LBR: variants seen among roughly 807,000 people sequenced by gnomAD.
LBR encodes lamin B receptor.
Under a neutral mutation model 74.3 loss-of-function variants are expected in LBR, and 28 were observed. That is an observed-to-expected ratio of 0.38 (90% CI 0.28 to 0.52). The LOEUF is 0.52. Ranked by LOEUF, LBR falls within the 20% of genes least tolerant of loss-of-function variation. The probability of loss-of-function intolerance (pLI) is 0.89; values close to 1 mark genes in which losing one functional copy is unlikely to be tolerated. For missense variants in LBR, 717 were observed against 760.3 expected, an observed-to-expected ratio of 0.94 and a Z score of 0.67; for synonymous variants, 228 against 269.3, an observed-to-expected ratio of 0.85 and a Z score of 1.50.
intron 8 of LBR, among the ~76,000 whole-genome samples, chr1:225,412,215 C>A (rs550110730): frequency 1.3e-5 from 2 of 152,306 alleles, no homozygotes; most frequent in South Asian, 4.1e-4. Flanking sequence ...AAACGTCTTA[C>A]TGTCATCAAG....
intron 1 of LBR, among the ~76,000 whole-genome samples, chr1:225,424,641 T>C (rs2096135718): frequency 6.6e-6 from 1 of 152,164 alleles, no homozygotes; most frequent in African/African-American, 2.4e-5. Flanking sequence ...AAAGTACAAA[T>C]GCATACCAAG....
rs2096097982 is a variant in LBR, at chr1:225,408,785, T to C, written c.1314+1506A>G. ...GGCTATGTTAATATTGCATTAAGCG[T>C]TTTGCCTTAAGATGCAAAAAATTTT... On this transcript the variant is annotated intron_variant, in intron 10 of 13. Transcript: ENST00000272163. Among the ~76,000 whole-genome samples the C allele has an allele frequency of 1.3e-5, 2 of 152,250 alleles. 1 individual carries two copies. Among genetic ancestry groups the C allele is most frequent in the South Asian group, 4.1e-4 (2 of 4,836 alleles).
chr1:225,409,077 T>C (rs896794524), intron 10 of LBR, among the ~76,000 whole-genome samples: 6 of 152,246 alleles, frequency 3.9e-5, no homozygotes, highest in Non-Finnish European at 8.8e-5. Flanking sequence ...GCTACACTGG[T>C]AACAGTAAGT....
At position 225,419,748 on chromosome 1, in the gene LBR, A is replaced by G; in HGVS notation, c.417T>C (p.Ile139=). 1.2e-6 allele frequency: 2 copies of G among 1,612,978 alleles called. No individual in the cohort carries two copies. The highest frequency in any genetic ancestry group is 1.7e-6 in the Non-Finnish European group (2 of 1,179,234). ...TTTTATGAGGTGCGTCATTTCTCTC[A>G]ATATGCTCAGGCTCCCCATTATATC... The part of the protein sequence containing the change: ...ISRYNGEPEH[I]ERNDAPHKNT... Residue 139 remains isoleucine (I), a synonymous_variant, in exon 4 of 14, where the codon ATT becomes ATC. Coordinates refer to ENST00000272163, the MANE Select transcript of LBR (RefSeq NM_002296.4).
intron 9 of LBR, among the ~76,000 whole-genome samples, chr1:225,410,618 C>G (rs1164573940): frequency 6.6e-6 from 1 of 152,188 alleles, no homozygotes; most frequent in Non-Finnish European, 1.5e-5. Context: ...TTTCTGTGTT[C>G]CTGTCACAGT....
rs2096087207 is a variant in LBR, at chr1:225,404,422, C to T, written c.1669G>A (p.Ala557Thr). The T allele has an allele frequency of 6.2e-7, 1 of 1,613,986 alleles. No individual in the cohort carries two copies. Among genetic ancestry groups the T allele is most frequent in the African/African-American group, 1.3e-5 (1 of 74,914 alleles). ...NYLGDLIMAL[A>T]WSLPCGFNHI... ...TGCTTACCACATGGGAGGGACCACG[C>T]CAAGGCCATGATGAGATCACCCAAG... Residue 557 changes from alanine to threonine, a missense_variant, in exon 13 of 14, where the codon GCG becomes ACG. Physicochemically the swap from Ala to Thr is moderately conservative, Grantham distance 58. Coordinates refer to ENST00000272163, the MANE Select transcript of LBR (RefSeq NM_002296.4).
chr1:225,423,414 C>T (rs78737198), intron 2 of LBR, among the ~76,000 whole-genome samples: 28 of 152,154 alleles, frequency 1.8e-4, no homozygotes, highest in Non-Finnish European at 3.5e-4. Context: ...TATAAAAGCC[C>T]CCCCAGCCTG....
At chr1:225,424,340 T>C (rs1346372644) in intron 1 of LBR, among the ~76,000 whole-genome samples, 2 of 152,322 alleles carry the variant, frequency 1.3e-5, no homozygotes, top group East Asian at 3.9e-4. Context: ...ATGTAAAATG[T>C]TACCCACCTA....
At chr1:225,428,320 C>G (rs2096145462), upstream of LBR, among the ~76,000 whole-genome samples, 1 of 152,174 alleles carries the variant, frequency 6.6e-6, no homozygotes, top group Non-Finnish European at 1.5e-5. Context: ...TTTGCCACCG[C>G]CTTATCTCAG....
At chr1:225,406,123 G>A (rs1027283248) in intron 11 of LBR, among the ~76,000 whole-genome samples, 10 of 151,910 alleles carry the variant, frequency 6.6e-5, no homozygotes, top group African/African-American at 2.4e-4. Flanking sequence ...CTGACTTTTC[G>A]ATCTCCCCAT....
At chr1:225,408,294 C>T (rs1347054650) in intron 10 of LBR, among the ~76,000 whole-genome samples, 3 of 152,218 alleles carry the variant, frequency 2.0e-5, no homozygotes, top group Non-Finnish European at 4.4e-5. Flanking sequence ...GGTGTTTTAA[C>T]TTTCTGTCCC....
chr1:225,412,694 G>A (rs750768925), intron 7 of LBR, 49 bp from the exon 8 acceptor site: 1 of 1,510,568 alleles, frequency 6.6e-7, no homozygotes, highest in Admixed American at 2.0e-5. Flanking sequence ...TTAACCCAAG[G>A]CTCACATGAA....
chr1:225,407,791 G>A (rs905113284), intron 10 of LBR, among the ~76,000 whole-genome samples: 1 of 152,056 alleles, frequency 6.6e-6, no homozygotes, highest in African/African-American at 2.4e-5. Context: ...AAAGCAAATA[G>A]GCCATGGAAC....
At chr1:225,415,618 T>C (rs1403306561) in intron 6 of LBR, among the ~76,000 whole-genome samples, 1 of 152,196 alleles carries the variant, frequency 6.6e-6, no homozygotes, top group African/African-American at 2.4e-5. Flanking sequence ...CACACTCCTG[T>C]GTACCACCAC....
intron 13 of LBR, among the ~76,000 whole-genome samples, 197 bp downstream of exon 13, chr1:225,404,207 A>G (rs1213779789): frequency 6.6e-6 from 1 of 152,176 alleles, no homozygotes; most frequent in Admixed American, 6.5e-5. Context: ...TTAGGCTTAA[A>G]GTAAAACTTC....
Position 225,402,354 on chromosome 1 carries a change from A to AT in LBR, c.*948dup, listed in dbSNP as rs937701097. The AT allele has an allele frequency of 2.6e-5, 4 of 152,222 alleles. No homozygotes were observed. The highest frequency in any genetic ancestry group is 5.9e-5 in the Non-Finnish European group (4 of 68,020). The allele number at this position is 152,222 out of a possible 1,614,324, so 9.4% of individuals were successfully genotyped here. On this transcript the variant is annotated 3_prime_UTR_variant, in exon 14 of 14. Transcript: ENST00000272163. ...CCGATCTGTGTAAAAATGTTTAAAT[A>AT]TTGATGTTACTCCAAAAATATATAC... is the stretch of plus-strand genomic sequence containing the variant.
chr1:225,412,756 AT>A, intron 7 of LBR, 111 bp from the exon 8 acceptor site: 1 of 983,248 alleles, frequency 1.0e-6, no homozygotes. Flanking sequence ...TCTTAATTTC[AT>A]TATTCAGACT....
chr1:225,423,778 T>TG (rs1365282098), intron 2 of LBR, 133 bp downstream of exon 2: 1 of 854,598 alleles, frequency 1.2e-6, no homozygotes, highest in African/African-American at 1.7e-5. Flanking sequence ...AAAAACAGTA[T>TG]GTGACCCAAA....
chr1:225,419,216 C>A, intron 5 of LBR, 47 bp downstream of exon 5: 1 of 1,586,028 alleles, frequency 6.3e-7, no homozygotes, highest in Non-Finnish European at 8.7e-7. Context: ...GGCAACCACC[C>A]CTAGCTCACC....
Sources: allele counts gnomAD v4.1 joint callset (sites outside exome capture counted in the v4.1 genomes callset), GRCh38; gene constraint gnomAD v4.1.1; transcripts MANE v1.5; gene names NCBI Gene and HGNC (gene_info 2026-07-23, HGNC 2026-07-21).